FRMD6: variants seen among roughly 807,000 people sequenced by gnomAD.
FRMD6 encodes the protein FERM domain containing 6.
A neutral mutation model predicts 73.2 loss-of-function variants in FRMD6; 37 were observed. The observed-to-expected ratio is 0.51, with a 90% confidence interval of 0.39 to 0.66. The LOEUF (loss-of-function observed/expected upper bound fraction) is 0.66, where lower values mean the gene tolerates loss of function less well. Ranked by LOEUF, FRMD6 falls within the 30% of genes least tolerant of loss-of-function variation. The pLI is 0.00. For synonymous variants in FRMD6, 273 were observed against 282.2 expected (o/e 0.97, Z 0.33); for missense variants, 714 against 780.5 (o/e 0.91, Z 1.02).
the FRMD6 span, among the ~76,000 whole-genome samples, chr14:51,454,165 C>A: frequency 6.6e-6 from 1 of 152,188 alleles, no homozygotes; most frequent in Non-Finnish European, 1.5e-5. Flanking sequence ...CATGGCATTT[C>A]ATTAGCTCTG....
chr14:51,478,143 T>G, the FRMD6 span, among the ~76,000 whole-genome samples: 1 of 152,234 alleles, frequency 6.6e-6, no homozygotes, highest in African/African-American at 2.4e-5. Flanking sequence ...GAAAATGACT[T>G]CTTCAACAGC....
chr14:51,647,864 T>C (rs1488577360), upstream of FRMD6, among the ~76,000 whole-genome samples: 1 of 152,180 alleles, frequency 6.6e-6, no homozygotes, highest in Non-Finnish European at 1.5e-5. Flanking sequence ...TTGCTCTTGT[T>C]GCCTAGGCTG....
chr14:51,578,194 C>T (rs551943219), intron 2 of FRMD6, among the ~76,000 whole-genome samples: 1 of 152,248 alleles, frequency 6.6e-6, no homozygotes, highest in African/African-American at 2.4e-5. Context: ...AGGAAAGCTA[C>T]CGTTGATGCC....
intron 1 of FRMD6, among the ~76,000 whole-genome samples, chr14:51,670,126 G>C (rs1355951204): frequency 1.3e-5 from 2 of 152,178 alleles, no homozygotes; most frequent in African/African-American, 2.4e-5. Context: ...GCCAAGACTA[G>C]AGTGCAGTGC....
At chr14:51,469,782 T>G in the FRMD6 span, among the ~76,000 whole-genome samples, 1 of 152,140 alleles carries the variant, frequency 6.6e-6, no homozygotes, top group African/African-American at 2.4e-5. Flanking sequence ...GGTTGTAAAA[T>G]TGGTTGCAGC....
At chr14:51,571,277 G>A (rs1817041759) in intron 2 of FRMD6, among the ~76,000 whole-genome samples, 1 of 152,228 alleles carries the variant, frequency 6.6e-6, no homozygotes, top group African/African-American at 2.4e-5. Flanking sequence ...TACTTGGGAT[G>A]CTGAGGCAGG....
intron 2 of FRMD6, among the ~76,000 whole-genome samples, chr14:51,631,535 T>C (rs1891336550): frequency 6.6e-6 from 1 of 152,182 alleles, no homozygotes; most frequent in African/African-American, 2.4e-5. Flanking sequence ...CATGCTTAGG[T>C]AGAGAAGGTG....
intron 2 of FRMD6, among the ~76,000 whole-genome samples, chr14:51,571,969 A>G (rs962691584): frequency 7.9e-5 from 12 of 152,204 alleles, no homozygotes; most frequent in Admixed American, 6.5e-4. Flanking sequence ...AAGTTTTCTC[A>G]TCCCCACTAG....
intron 1 of FRMD6, among the ~76,000 whole-genome samples, chr14:51,524,525 T>A (rs138775521): frequency 2.1e-3 from 318 of 151,204 alleles, no homozygotes; most frequent in African/African-American, 7.5e-3. Flanking sequence ...ATTACTTTTT[T>A]ATTTTTATGA....
At chr14:51,682,617 A>G (rs966120883) in intron 1 of FRMD6, among the ~76,000 whole-genome samples, 1 of 152,188 alleles carries the variant, frequency 6.6e-6, no homozygotes, top group Non-Finnish European at 1.5e-5. Context: ...AAATGATGCA[A>G]TCAGGATTCT....
At chr14:51,431,727 T>C in the FRMD6 span, among the ~76,000 whole-genome samples, 1 of 152,196 alleles carries the variant, frequency 6.6e-6, no homozygotes, top group Non-Finnish European at 1.5e-5. Flanking sequence ...TTTTTCCAAA[T>C]TATAGATGAA....
At chr14:51,602,359 G>A (rs991685753) in intron 2 of FRMD6, among the ~76,000 whole-genome samples, 1 of 152,122 alleles carries the variant, frequency 6.6e-6, no homozygotes, top group South Asian at 2.1e-4. Flanking sequence ...AACAGATGTA[G>A]GCTTATGTCT....
chr14:51,537,757 G>T (rs980522780), intron 1 of FRMD6, among the ~76,000 whole-genome samples: 1 of 152,120 alleles, frequency 6.6e-6, no homozygotes, highest in Admixed American at 6.5e-5. Context: ...TAATAACGTA[G>T]GATTTTGAAC....
chr14:51,516,526 G>T (rs1490323208), intron 1 of FRMD6, among the ~76,000 whole-genome samples: 2 of 152,180 alleles, frequency 1.3e-5, no homozygotes, highest in Admixed American at 6.5e-5. Context: ...GTGTGCACAT[G>T]TGTGTATCTT....
the FRMD6 span, among the ~76,000 whole-genome samples, chr14:51,451,540 A>C: frequency 6.6e-6 from 1 of 151,840 alleles, no homozygotes; most frequent in African/African-American, 2.4e-5. Flanking sequence ...TGCCTGGGTA[A>C]TTTTTTTTGT....
At chr14:51,424,431 G>A in the FRMD6 span, among the ~76,000 whole-genome samples, 2 of 152,180 alleles carry the variant, frequency 1.3e-5, no homozygotes, top group African/African-American at 4.8e-5. Flanking sequence ...TCATATCGTT[G>A]ATCTTCATTG....
the FRMD6 span, among the ~76,000 whole-genome samples, chr14:51,465,088 A>G: frequency 6.6e-6 from 1 of 152,218 alleles, no homozygotes; most frequent in African/African-American, 2.4e-5. Context: ...AATAACAACA[A>G]AAAGGAAAAA....
chr14:51,517,724 C>T (rs1884710495), intron 1 of FRMD6, among the ~76,000 whole-genome samples: 1 of 152,106 alleles, frequency 6.6e-6, no homozygotes, highest in African/African-American at 2.4e-5. Context: ...TGTAATTCTT[C>T]TACAAGACTA....
chr14:51,488,210 C>T (rs1030615246), upstream of FRMD6, among the ~76,000 whole-genome samples: 14 of 152,188 alleles, frequency 9.2e-5, no homozygotes, highest in Non-Finnish European at 1.9e-4. Flanking sequence ...CTGAAATTTT[C>T]GCAGTAATTT....
Sources: gnomAD v4.1 joint callset for allele counts (sites outside exome capture counted in the v4.1 genomes callset) on GRCh38, gnomAD v4.1.1 for gene constraint, MANE v1.5 for transcripts, NCBI Gene and HGNC (gene_info 2026-07-23, HGNC 2026-07-21) for gene names.